Variants in UGT1A6 observed in about 807,000 individuals in gnomAD.
The protein encoded by UGT1A6 is UDP glucuronosyltransferase family 1 member A6, also known as UDP-glucuronosyltransferase 1A6.
In UGT1A6, 32 loss-of-function variants were observed where a neutral mutation model predicts 44.4. The ratio of observed to expected loss-of-function variants is 0.72; its 90% CI spans 0.54 to 0.97. The LOEUF (loss-of-function observed/expected upper bound fraction) is 0.97, where lower values mean the gene tolerates loss of function less well. Ranked by LOEUF, UGT1A6 falls within the 50% of genes least tolerant of loss-of-function variation. UGT1A6 has a pLI of 0.00. For missense variants in UGT1A6, 685 were observed against 661.9 expected, an observed-to-expected ratio of 1.03 and a Z score of -0.38; for synonymous variants, 238 against 248.5, an observed-to-expected ratio of 0.96 and a Z score of 0.40.
chr2:233,725,053 G>A (rs551262473), intron 1 of UGT1A6, among the ~76,000 whole-genome samples: 1,532 of 147,698 alleles, frequency 0.01, 141 homozygotes, highest in African/African-American at 0.035. Flanking sequence ...CAGGCGTGGC[G>A]GCGCGCGCCT....
chr2:233,747,299 G>A, intron 1 of UGT1A6: 1 of 1,602,106 alleles, frequency 6.2e-7, no homozygotes, highest in Non-Finnish European at 8.5e-7. Flanking sequence ...GCTGAGAGTG[G>A]GAAGGTGCTG....
At chr2:233,764,549 G>A (rs1698590691) in intron 1 of UGT1A6, among the ~76,000 whole-genome samples, 1 of 152,222 alleles carries the variant, frequency 6.6e-6, no homozygotes, top group Non-Finnish European at 1.5e-5. Flanking sequence ...GGGCGTGTGG[G>A]AGGGTGTGCC....
Position 233,772,402 on chromosome 2 carries a change from C to T in UGT1A6, c.1442C>T (p.Thr481Ile), listed in dbSNP as rs1279219087. The T allele has an allele frequency of 6.2e-7, 1 of 1,614,144 alleles. No individual in the cohort carries two copies. The highest frequency in any genetic ancestry group is 1.3e-5 in the African/African-American group (1 of 74,938). ...CTGCGCCCCGCAGCCCACGACCTCA[C>T]CTGGTACCAGTACCATTCCTTGGAC... ...PHLRPAAHDLTWYQYHSLDVI... is the reference protein window; with the variant it reads ...PHLRPAAHDLIWYQYHSLDVI... The change falls in exon 5 of 5, where the codon ACC (threonine) becomes ATC (isoleucine). Residue 481 changes from threonine to isoleucine, a missense_variant. By Grantham distance (89) the Thr-to-Ile change is moderately conservative. Coordinates refer to ENST00000305139, the MANE Select transcript of UGT1A6 (RefSeq NM_001072.4).
At chr2:233,722,560 G>C (rs2077022969) in intron 1 of UGT1A6, among the ~76,000 whole-genome samples, 1 of 152,082 alleles carries the variant, frequency 6.6e-6, no homozygotes, top group Non-Finnish European at 1.5e-5. Context: ...TGGTTGATTT[G>C]TAGCTGCTTT....
intron 1 of UGT1A6, among the ~76,000 whole-genome samples, chr2:233,765,317 T>G (rs984736516): frequency 1.3e-5 from 2 of 152,240 alleles, no homozygotes; most frequent in Non-Finnish European, 2.9e-5. Flanking sequence ...ATTTGTTTAT[T>G]GCAGCACTAT....
chr2:233,693,337 G>T lies in UGT1A6; in HGVS notation c.333G>T (p.Glu111Asp). Residue 111 changes from glutamate (E) to aspartate (D), a missense_variant, in exon 1 of 5, where the codon GAG (glutamate) becomes GAT (aspartate). Coordinates refer to ENST00000305139, the MANE Select transcript of UGT1A6 (RefSeq NM_001072.4). ...CATTCCTAACTGCTCCTCAGACAGA[G>T]TACAGGAATAACATGATTGTTATTG... ...ERSFLTAPQT[E>D]YRNNMIVIGL... is the part of the protein sequence containing the mutation. The T allele has an allele frequency of 6.2e-7, 1 of 1,614,218 alleles. No individual in the cohort carries two copies. The highest frequency in any genetic ancestry group is 8.5e-7 in the Non-Finnish European group (1 of 1,180,050).
intron 1 of UGT1A6, among the ~76,000 whole-genome samples, chr2:233,703,091 G>A (rs1243332087): frequency 6.6e-6 from 1 of 152,122 alleles, no homozygotes; most frequent in Non-Finnish European, 1.5e-5. Context: ...TTTTCTTGCA[G>A]GAGGTTTTAA....
intron 1 of UGT1A6, chr2:233,729,607 C>A (rs776036821): frequency 1.2e-6 from 2 of 1,613,986 alleles, no homozygotes; most frequent in South Asian, 2.2e-5. Context: ...CGCGGCAGTG[C>A]TGGCTAAGTA....
chr2:233,729,694 C>G, intron 1 of UGT1A6: 3 of 1,613,908 alleles, frequency 1.9e-6, no homozygotes, highest in Non-Finnish European at 2.5e-6. Flanking sequence ...GTGTCCAAAC[C>G]CTTCCTCCTA....
intron 4 of UGT1A6, chr2:233,771,640 G>C (rs183876140): frequency 4.5e-4 from 68 of 152,464 alleles, no homozygotes; most frequent in African/African-American, 1.6e-3. Context: ...TTATTTTACT[G>C]TATGAAAATA....
rs774438667 is a variant in UGT1A6 at position 233,767,136 on chromosome 2, G to T, written c.964G>T (p.Ala322Ser). 3.1e-6 allele frequency: 5 copies of T among 1,614,110 alleles called. No individual in the cohort carries two copies. Among genetic ancestry groups the T allele is most frequent in the Admixed American group, 1.7e-5 (1 of 60,022 alleles). The stretch of plus-strand genomic sequence containing the variant: ...TCCAGAGAAGAAAGCTATGGCAATT[G>T]CTGATGCTTTGGGCAAAATCCCTCA... The part of the protein sequence containing the change: ...EIPEKKAMAI[A>S]DALGKIPQTV... Residue 322 changes from alanine to serine, a missense_variant, in exon 2 of 5, where the codon GCT (alanine) becomes TCT (serine). By Grantham distance (99) the Ala-to-Ser change is moderately conservative. Coordinates refer to ENST00000305139, the MANE Select transcript of UGT1A6 (RefSeq NM_001072.4).
At chr2:233,714,395 G>A (rs2076384323) in intron 1 of UGT1A6, among the ~76,000 whole-genome samples, 1 of 152,148 alleles carries the variant, frequency 6.6e-6, no homozygotes, top group African/African-American at 2.4e-5. Context: ...GGCCAATGTA[G>A]GTGCAATGGA....
chr2:233,707,415 G>T (rs183543704), intron 1 of UGT1A6, among the ~76,000 whole-genome samples: 1 of 151,836 alleles, frequency 6.6e-6, no homozygotes, highest in Non-Finnish European at 1.5e-5. Context: ...TCTCTCCCTC[G>T]ACTATTTCTT....
At chr2:233,734,025 G>A (rs2078469594) in intron 1 of UGT1A6, among the ~76,000 whole-genome samples, 1 of 152,102 alleles carries the variant, frequency 6.6e-6, no homozygotes, top group East Asian at 1.9e-4. Context: ...GTTAATGGGT[G>A]CAGCACACCA....
At chr2:233,748,181 CT>C in intron 1 of UGT1A6, 1 of 1,573,702 alleles carries the variant, frequency 6.4e-7, no homozygotes, top group Non-Finnish European at 8.6e-7. Context: ...CTTTCTGGTG[CT>C]TTTATTTCTG....
intron 1 of UGT1A6, among the ~76,000 whole-genome samples, chr2:233,701,346 A>C (rs148707887): frequency 6.6e-6 from 1 of 151,970 alleles, no homozygotes; most frequent in Non-Finnish European, 1.5e-5. Context: ...ACAGTGTAAA[A>C]GTTCTTAGAG....
At chr2:233,756,038 T>C (rs1229247298) in intron 1 of UGT1A6, 1 of 152,242 alleles carries the variant, frequency 6.6e-6, no homozygotes, top group Non-Finnish European at 1.5e-5. Flanking sequence ...ATGTAGCTTC[T>C]GGAAAACTCC....
At chr2:233,734,739 A>C (rs1237187845) in intron 1 of UGT1A6, among the ~76,000 whole-genome samples, 2 of 152,196 alleles carry the variant, frequency 1.3e-5, no homozygotes, top group East Asian at 1.9e-4. Context: ...GTTTCAAAGA[A>C]CATCTTTATT....
rs191471887 is a variant in UGT1A6, at chr2:233,760,476, C to T, written c.862-6558C>T. 6.3e-5 allele frequency: 102 copies of T among 1,614,200 alleles called. 1 individual carries two copies. In the East Asian group the frequency reaches 1.9e-3, roughly 30 times the overall value. On this transcript the variant is annotated intron_variant, in intron 1 of 4. Transcript: ENST00000305139. ...ATGAAATAGTTGTCCTAGCACCTGA[C>T]GCCTCGTTGTACATCAGAGACGGAG...
Sources: allele counts gnomAD v4.1 joint callset (sites outside exome capture counted in the v4.1 genomes callset), GRCh38; gene constraint gnomAD v4.1.1; transcripts MANE v1.5; gene names NCBI Gene and HGNC (gene_info 2026-07-23, HGNC 2026-07-21).